Variants in NUCKS1 observed in about 807,000 individuals in gnomAD.
NUCKS1 encodes the protein nuclear casein kinase and cyclin dependent kinase substrate 1.
Under a neutral mutation model 33.0 loss-of-function variants are expected in NUCKS1, and 2 were observed. That is an observed-to-expected ratio of 0.06 (90% CI 0.02 to 0.19). The LOEUF (loss-of-function observed/expected upper bound fraction) is 0.19, where lower values mean the gene tolerates loss of function less well. Ranked by LOEUF, NUCKS1 falls within the 10% of genes least tolerant of loss-of-function variation. The probability of loss-of-function intolerance (pLI) is 1.00; values close to 1 mark genes in which losing one functional copy is unlikely to be tolerated. For missense variants in NUCKS1, 201 were observed against 293.6 expected (o/e 0.68, Z 2.31); for synonymous variants, 106 against 102.8 (o/e 1.03, Z -0.19).
intron 1 of NUCKS1, among the ~76,000 whole-genome samples, chr1:205,738,760 G>A (rs1456828812): frequency 6.6e-6 from 1 of 152,088 alleles, no homozygotes; most frequent in Admixed American, 6.6e-5. Context: ...AAATAAATTA[G>A]CTGGGTGTGG....
chr1:205,723,741 A>G (rs1671959291), intron 4 of NUCKS1, among the ~76,000 whole-genome samples, 185 bp downstream of exon 4: 1 of 152,202 alleles, frequency 6.6e-6, no homozygotes, highest in Non-Finnish European at 1.5e-5. Flanking sequence ...GCATTTTAAA[A>G]AAGATTCATA....
intron 1 of NUCKS1, among the ~76,000 whole-genome samples, chr1:205,731,969 G>T (rs192979308): frequency 4.6e-5 from 7 of 152,158 alleles, no homozygotes; most frequent in Non-Finnish European, 8.8e-5. Flanking sequence ...GATATTCTTG[G>T]CTGTATAGAT....
chr1:205,731,228 A>G (rs1249716429), intron 1 of NUCKS1: 1 of 152,152 alleles, frequency 6.6e-6, no homozygotes, highest in Non-Finnish European at 1.5e-5. Context: ...CTGGTTTATC[A>G]GCAACATTTA....
chr1:205,719,485 T>A (rs775437513), intron 6 of NUCKS1, 42 bp downstream of exon 6: 1 of 1,563,136 alleles, frequency 6.4e-7, no homozygotes, highest in Non-Finnish European at 8.6e-7. Flanking sequence ...ATTCTCAAAA[T>A]TTTTAAAGCA....
intron 1 of NUCKS1, among the ~76,000 whole-genome samples, chr1:205,749,605 GC>G (rs1249041147): frequency 2.0e-5 from 3 of 152,014 alleles, no homozygotes; most frequent in African/African-American, 7.2e-5. Flanking sequence ...CAAGGGGACG[GC>G]CCCGAGGAGG....
chr1:205,714,719 A>G lies in NUCKS1; in HGVS notation c.*3561T>C, dbSNP rs1162769764. 6.6e-6 allele frequency: 1 copy of G among 152,214 alleles called. No individual in the cohort carries two copies. The allele number at this position is 152,214 out of a possible 1,614,324, so 9.4% of individuals were successfully genotyped here. ...TAACCTCAAGAGCAACCAGCTTGTT[A>G]CATTTTCCCTATCCTATGGCAGGAA... is the stretch of plus-strand genomic sequence containing the variant. On this transcript the variant is annotated 3_prime_UTR_variant, in exon 7 of 7. Transcript: ENST00000367142.
intron 1 of NUCKS1, among the ~76,000 whole-genome samples, chr1:205,736,094 GGTGT>G (rs1654028434): frequency 6.6e-6 from 1 of 152,068 alleles, no homozygotes; most frequent in South Asian, 2.1e-4. Flanking sequence ...TGAGATTACA[GGTGT>G]GTGTCACAAC....
intron 1 of NUCKS1, among the ~76,000 whole-genome samples, chr1:205,736,704 G>A (rs971851957): frequency 3.9e-5 from 6 of 151,908 alleles, no homozygotes; most frequent in African/African-American, 7.3e-5. Context: ...GGTTGTAGGC[G>A]CCTGTAATCC....
At chr1:205,741,471 A>G (rs1316562505) in intron 1 of NUCKS1, among the ~76,000 whole-genome samples, 1 of 152,152 alleles carries the variant, frequency 6.6e-6, no homozygotes, top group African/African-American at 2.4e-5. Flanking sequence ...AATGTGTGAG[A>G]CTGAAGGGGT....
rs2102428194 is a variant in NUCKS1 at position 205,717,575 on chromosome 1, G to A, written c.*705C>T. On this transcript the variant is annotated 3_prime_UTR_variant, in exon 7 of 7. Coordinates refer to ENST00000367142, the MANE Select transcript of NUCKS1 (RefSeq NM_022731.5). ...GCTCCGAGTCTCTTTGAGATAACAA[G>A]TGATGAAATAAAAAAGAAAGCCCAT... 1 of 984,366 alleles carries A rather than the reference G, an allele frequency of 1.0e-6. No individual in the cohort carries two copies. 61.0% of individuals were successfully genotyped at this position (984,366 alleles called of 1,614,324 possible). A position where few individuals can be genotyped will look rare whatever the true frequency, so the allele number is the denominator to read the frequency against.
chr1:205,749,922 T>G, intron 1 of NUCKS1, 35 bp downstream of exon 1: 4 of 1,476,242 alleles, frequency 2.7e-6, no homozygotes, highest in Non-Finnish European at 2.7e-6. Context: ...CCCATCCCCC[T>G]CCAACCCGCT....
chr1:205,748,265 C>T (rs11240562), intron 1 of NUCKS1, among the ~76,000 whole-genome samples: 2,416 of 152,100 alleles, frequency 0.016, 69 homozygotes, highest in African/African-American at 0.055. Context: ...AGAACGTCAC[C>T]ACAATAAAAT....
intron 1 of NUCKS1, among the ~76,000 whole-genome samples, chr1:205,729,963 G>C (rs1327181411): frequency 6.6e-6 from 1 of 151,346 alleles, no homozygotes; most frequent in Non-Finnish European, 1.5e-5. Context: ...AGAGGTTGTG[G>C]TGAGCCGAGA....
chr1:205,741,294 T>C (rs1235782731), intron 1 of NUCKS1, among the ~76,000 whole-genome samples: 1 of 50,574 alleles, frequency 2.0e-5, no homozygotes, highest in Non-Finnish European at 4.2e-5. Flanking sequence ...AGCGAGACTG[T>C]CTCAAAAAAA....
At position 205,720,651 on chromosome 1, in the gene NUCKS1, C is replaced by T. The variant is rs1463464649; in HGVS notation, c.232G>A (p.Asp78Asn). ...TKKDDSHSAE[D>N]SEDEKEDHKN... The stretch of plus-strand genomic sequence containing the variant: ...TGATCTTCTTTTTCATCTTCACTAT[C>T]CTCTGCAATATCAGAATTACCATGA... The change falls in exon 5 of 7, where the codon GAT becomes AAT. Residue 78 changes from aspartate (D) to asparagine (N), a missense_variant and splice_region_variant. By Grantham distance (23) the Asp-to-Asn change is conservative. Transcript: ENST00000367142. The T allele has an allele frequency of 1.2e-6, 2 of 1,610,238 alleles. No homozygotes were observed. Among genetic ancestry groups the T allele is most frequent in the African/African-American group, 2.7e-5 (2 of 74,636 alleles).
intron 1 of NUCKS1, among the ~76,000 whole-genome samples, chr1:205,735,117 G>A (rs1654004964): frequency 6.6e-6 from 1 of 152,110 alleles, no homozygotes; most frequent in Non-Finnish European, 1.5e-5. Flanking sequence ...TCTATTTCTA[G>A]GTGAAAACAA....
At position 205,717,412 on chromosome 1, in the gene NUCKS1, T is replaced by A. The variant is rs1245783481; in HGVS notation, c.*868A>T. ...ATTCTAGGGTTTTTTTTTTTTTGGATTCTTGGTAAAATTTTATCCAAAAAA... is the reference window on the plus strand; with the variant it reads ...ATTCTAGGGTTTTTTTTTTTTTGGAATCTTGGTAAAATTTTATCCAAAAAA... On this transcript the variant is annotated 3_prime_UTR_variant, in exon 7 of 7. Transcript: ENST00000367142. The A allele has an allele frequency of 3.1e-6, 3 of 978,152 alleles. No homozygotes were observed. The highest frequency in any genetic ancestry group is 4.7e-5 in the South Asian group (1 of 21,258). 60.6% of individuals were successfully genotyped at this position (978,152 alleles called of 1,614,324 possible). A position where few individuals can be genotyped will look rare whatever the true frequency, so the allele number is the denominator to read the frequency against.
At position 205,712,832 on chromosome 1, in the gene NUCKS1, A is replaced by T. The variant is rs1211554300; in HGVS notation, c.*5448T>A. On this transcript the variant is annotated 3_prime_UTR_variant, in exon 7 of 7. Transcript: ENST00000367142. ...AATGCAAGTGTGTTCTGTGAGTATA[A>T]ACATTATCTTTTATTATATATGATT... 6.6e-6 allele frequency: 1 copy of T among 152,202 alleles called. No individual in the cohort carries two copies. Among genetic ancestry groups the T allele is most frequent in the African/African-American group, 2.4e-5 (1 of 41,442 alleles). 9.4% of individuals were successfully genotyped at this position (152,202 alleles called of 1,614,324 possible).
chr1:205,747,914 TA>T (rs1329044065), intron 1 of NUCKS1, among the ~76,000 whole-genome samples: 1 of 151,846 alleles, frequency 6.6e-6, no homozygotes, highest in African/African-American at 2.4e-5. Context: ...AGACTTCTTT[TA>T]AAAAATAATT....
Sources: gnomAD v4.1 joint callset for allele counts (sites outside exome capture counted in the v4.1 genomes callset) on GRCh38, gnomAD v4.1.1 for gene constraint, MANE v1.5 for transcripts, NCBI Gene and HGNC (gene_info 2026-07-23, HGNC 2026-07-21) for gene names.